GALNT14: variants seen among roughly 807,000 people sequenced by gnomAD.
The protein encoded by GALNT14 is polypeptide N-acetylgalactosaminyltransferase 14.
Under a neutral mutation model 77.5 loss-of-function variants are expected in GALNT14, and 60 were observed. The ratio of observed to expected loss-of-function variants is 0.77; its 90% CI spans 0.63 to 0.96. The LOEUF is 0.96. Among genes scored for constraint, GALNT14 ranks in the 40% least tolerant of loss-of-function variants. The pLI is 0.00. For synonymous variants in GALNT14, 280 were observed against 281.7 expected, an observed-to-expected ratio of 0.99 and a Z score of 0.06; for missense variants, 710 against 731.0, an observed-to-expected ratio of 0.97 and a Z score of 0.33.
intron 1 of GALNT14, among the ~76,000 whole-genome samples, chr2:31,076,612 CATAT>C (rs59824499): frequency 9.1e-5 from 13 of 143,346 alleles, no homozygotes; most frequent in South Asian, 2.2e-4. Context: ...GGTGTGTATA[CATAT>C]ATATATATAT....
At chr2:30,900,619 T>C in the GALNT14 span, among the ~76,000 whole-genome samples, 14 of 152,178 alleles carry the variant, frequency 9.2e-5, no homozygotes, top group Admixed American at 9.2e-4. Flanking sequence ...CTAAGGGATT[T>C]TGGTCTGAGC....
intron 6 of GALNT14, among the ~76,000 whole-genome samples, chr2:30,946,193 G>C (rs1666684892): frequency 6.6e-6 from 1 of 152,110 alleles, no homozygotes; most frequent in African/African-American, 2.4e-5. Flanking sequence ...GAGAAGAAGG[G>C]GCTCCAGAAG....
At chr2:30,900,708 A>G in the GALNT14 span, among the ~76,000 whole-genome samples, 1 of 152,216 alleles carries the variant, frequency 6.6e-6, no homozygotes, top group African/African-American at 2.4e-5. Flanking sequence ...ATTTGAAAGG[A>G]AAAAGGGAGA....
chr2:31,095,003 A>G (rs1676931932), intron 1 of GALNT14, among the ~76,000 whole-genome samples: 1 of 152,176 alleles, frequency 6.6e-6, no homozygotes. Context: ...AATAACCACA[A>G]AAATGTCAAG....
intron 1 of GALNT14, among the ~76,000 whole-genome samples, chr2:31,116,110 G>C (rs1162018521): frequency 6.6e-6 from 1 of 152,108 alleles, no homozygotes; most frequent in Non-Finnish European, 1.5e-5. Flanking sequence ...TTGATATCTT[G>C]ATTGCATAGA....
At chr2:31,113,342 T>TGA (rs1677934766) in intron 1 of GALNT14, among the ~76,000 whole-genome samples, 1 of 151,902 alleles carries the variant, frequency 6.6e-6, no homozygotes, top group South Asian at 2.1e-4. Flanking sequence ...ATTGCAGGGT[T>TGA]GAGAGAGAGC....
At chr2:31,037,859 T>C (rs1398153861) in intron 1 of GALNT14, among the ~76,000 whole-genome samples, 2 of 151,816 alleles carry the variant, frequency 1.3e-5, no homozygotes, top group Non-Finnish European at 2.9e-5. Flanking sequence ...CTCTGCCTCA[T>C]TCTTCACTTC....
intron 1 of GALNT14, among the ~76,000 whole-genome samples, chr2:31,103,028 C>A (rs1462913870): frequency 6.6e-6 from 1 of 152,092 alleles, no homozygotes; most frequent in Non-Finnish European, 1.5e-5. Flanking sequence ...CCTTTAGGGG[C>A]ATCTCTATAA....
the GALNT14 span, among the ~76,000 whole-genome samples, chr2:30,892,447 G>C: frequency 5.4e-3 from 829 of 152,286 alleles, 7 homozygotes; most frequent in African/African-American, 0.019. Flanking sequence ...ATTGATATCA[G>C]ACTGCTTGGG....
At chr2:31,069,165 A>T (rs1273724816) in intron 1 of GALNT14, among the ~76,000 whole-genome samples, 1 of 152,224 alleles carries the variant, frequency 6.6e-6, no homozygotes, top group Non-Finnish European at 1.5e-5. Context: ...ATTATATCTC[A>T]AAAAAGCTAT....
intron 13 of GALNT14, among the ~76,000 whole-genome samples, chr2:30,914,563 C>T (rs116154545): frequency 1.3e-5 from 2 of 152,122 alleles, no homozygotes; most frequent in Admixed American, 6.5e-5. Flanking sequence ...TAGAGTAATT[C>T]GGCCATGAGT....
At chr2:31,121,297 G>A (rs543718866) in intron 1 of GALNT14, among the ~76,000 whole-genome samples, 186 of 152,254 alleles carry the variant, frequency 1.2e-3, no homozygotes, top group African/African-American at 4.3e-3. Context: ...AGGTGGTCGA[G>A]AAAAGCCAGA....
intron 1 of GALNT14, among the ~76,000 whole-genome samples, chr2:31,125,998 C>A (rs921981507): frequency 6.6e-6 from 1 of 152,194 alleles, no homozygotes; most frequent in Admixed American, 6.5e-5. Context: ...ACTTTGGAGA[C>A]TTCCTTTTTT....
At chr2:30,909,636 G>T (rs1335056409), downstream of GALNT14, among the ~76,000 whole-genome samples, 2 of 151,928 alleles carry the variant, frequency 1.3e-5, no homozygotes, top group African/African-American at 4.8e-5. Flanking sequence ...TTCAACTATT[G>T]TGGAAGTCAG....
intron 1 of GALNT14, among the ~76,000 whole-genome samples, chr2:31,064,866 T>C (rs1674836026): frequency 6.6e-6 from 1 of 151,946 alleles, no homozygotes; most frequent in Non-Finnish European, 1.5e-5. Flanking sequence ...TGGGAATAAC[T>C]TTCCCATTGT....
At chr2:30,986,284 G>T (rs1260259627) in intron 2 of GALNT14, among the ~76,000 whole-genome samples, 1 of 152,174 alleles carries the variant, frequency 6.6e-6, no homozygotes, top group Non-Finnish European at 1.5e-5. Flanking sequence ...CCAGCCCATG[G>T]CTCACGAGCT....
At chr2:30,918,352 T>C (rs1664813189) in intron 13 of GALNT14, among the ~76,000 whole-genome samples, 1 of 152,218 alleles carries the variant, frequency 6.6e-6, no homozygotes, top group African/African-American at 2.4e-5. Context: ...TGTACCACAG[T>C]TCCCTTGCAT....
chr2:31,021,834 G>A (rs1367916618), intron 1 of GALNT14, among the ~76,000 whole-genome samples: 3 of 152,306 alleles, frequency 2.0e-5, no homozygotes, highest in Non-Finnish European at 4.4e-5. Flanking sequence ...GGAAGTCAGA[G>A]GACTTGAAGT....
At chr2:30,977,333 C>T (rs911549760) in intron 2 of GALNT14, among the ~76,000 whole-genome samples, 3 of 152,116 alleles carry the variant, frequency 2.0e-5, no homozygotes, top group Non-Finnish European at 2.9e-5. Context: ...TCAGGTGATC[C>T]GCCCACCAGG....
Sources: allele counts gnomAD v4.1 joint callset (sites outside exome capture counted in the v4.1 genomes callset), GRCh38; gene constraint gnomAD v4.1.1; transcripts MANE v1.5; gene names NCBI Gene and HGNC (gene_info 2026-07-23, HGNC 2026-07-21).